ECPAS: variants seen among roughly 807,000 people sequenced by gnomAD.
ECPAS encodes Ecm29 proteasome adaptor and scaffold, also known as proteasome adapter and scaffold protein ECM29.
A neutral mutation model predicts 255.1 loss-of-function variants in ECPAS; 70 were observed. The ratio of observed to expected loss-of-function variants is 0.27; its 90% CI spans 0.23 to 0.33. The LOEUF (loss-of-function observed/expected upper bound fraction) is 0.33, where lower values mean the gene tolerates loss of function less well. ECPAS is among the 10% of genes least tolerant of loss of function. The probability of loss-of-function intolerance (pLI) is 1.00; values close to 1 mark genes in which losing one functional copy is unlikely to be tolerated. For missense variants in ECPAS, 1,817 were observed against 2,206.4 expected (o/e 0.82, Z 3.54); for synonymous variants, 784 against 775.0 (o/e 1.01, Z -0.19).
chr9:111,460,022 T>G (rs1164229046), intron 2 of ECPAS, among the ~76,000 whole-genome samples: 1 of 152,152 alleles, frequency 6.6e-6, no homozygotes, highest in African/African-American at 2.4e-5. Flanking sequence ...CTCATGAATA[T>G]AGACGCAAAT....
chr9:111,445,155 C>G (rs1255456694), intron 3 of ECPAS, among the ~76,000 whole-genome samples: 2 of 151,782 alleles, frequency 1.3e-5, no homozygotes, highest in Non-Finnish European at 2.9e-5. Context: ...GCCATCACGC[C>G]TGGCTAATTT....
intron 1 of ECPAS, among the ~76,000 whole-genome samples, chr9:111,479,973 T>TC (rs2098302002): frequency 8.0e-6 from 1 of 125,466 alleles, no homozygotes; most frequent in African/African-American, 3.1e-5. Flanking sequence ...AGACTGAAAC[T>TC]CCGTCTCAAA....
intron 1 of ECPAS, among the ~76,000 whole-genome samples, chr9:111,473,563 C>T (rs1263834456): frequency 6.6e-6 from 1 of 152,158 alleles, no homozygotes; most frequent in African/African-American, 2.4e-5. Context: ...TATGCCCATT[C>T]CCACAGCTCT....
At chr9:111,423,282 A>C in intron 12 of ECPAS, 34 bp from the exon 13 acceptor site, 2 of 1,468,742 alleles carry the variant, frequency 1.4e-6, no homozygotes, top group African/African-American at 1.4e-5. Context: ...AAGAAAAGAA[A>C]GAACAAAAAA....
At position 111,453,254 on chromosome 9, in the gene ECPAS, A is replaced by T. The variant is rs141951063; in HGVS notation, c.23-1699T>A. On this transcript the variant is annotated intron_variant, in intron 2 of 49. Transcript: ENST00000684092. The stretch of plus-strand genomic sequence containing the variant: ...ACAGTAAGACCCTGTCTCAAAAATA[A>T]AGAAATGGAACATGGAACAAGTCAA... Among the ~76,000 whole-genome samples the T allele has an allele frequency of 2.6e-4, 40 of 152,264 alleles. 1 individual carries two copies. Among genetic ancestry groups the T allele is most frequent in the Admixed American group, 9.8e-4 (15 of 15,292 alleles).
At chr9:111,425,383 A>C in intron 12 of ECPAS, 35 bp downstream of exon 12, 1 of 1,332,966 alleles carries the variant, frequency 7.5e-7, no homozygotes, top group African/African-American at 1.5e-5. Flanking sequence ...TTAAGATATA[A>C]AATGTTGATA....
chr9:111,392,624 G>A, intron 28 of ECPAS, 144 bp downstream of exon 28: 1 of 602,846 alleles, frequency 1.7e-6, no homozygotes, highest in East Asian at 2.8e-5. Flanking sequence ...GCTATCCACA[G>A]CACAACAATT....
chr9:111,416,137 C>T (rs2098203145), intron 18 of ECPAS, 135 bp downstream of exon 18: 1 of 576,746 alleles, frequency 1.7e-6, no homozygotes, highest in Non-Finnish European at 3.1e-6. Flanking sequence ...TTTAAATAAA[C>T]AACCCGATGA....
At position 111,383,272 on chromosome 9, in the gene ECPAS, G is replaced by A; in HGVS notation, c.3742C>T (p.Leu1248Phe). ...GAAGQRTIAA[L>F]LPCLLDKGMM... ...CCTTTGTCCAGAAGGCAAGGCAGAA[G>A]GGCAGCGATGGTTCTCTGGCCAGCT... Residue 1248 changes from leucine to phenylalanine, a missense_variant, in exon 35 of 50, where the codon CTT (leucine) becomes TTT (phenylalanine). Around this residue, in one of 4 missense-constraint regions of ECPAS, gnomAD observed 960 missense variants for 1,179.0 expected, o/e 0.81. Transcript: ENST00000684092. The A allele has an allele frequency of 6.2e-7, 1 of 1,613,526 alleles. No homozygotes were observed. The highest frequency in any genetic ancestry group is 8.5e-7 in the Non-Finnish European group (1 of 1,179,722).
At chr9:111,401,819 T>C (rs576077524) in intron 24 of ECPAS, among the ~76,000 whole-genome samples, 4 of 152,292 alleles carry the variant, frequency 2.6e-5, no homozygotes, top group African/African-American at 9.6e-5. Flanking sequence ...AGAAGAAAAA[T>C]ATGGCTCTAT....
intron 23 of ECPAS, among the ~76,000 whole-genome samples, 194 bp downstream of exon 23, chr9:111,409,847 T>G (rs1230540288): frequency 6.6e-6 from 1 of 152,192 alleles, no homozygotes; most frequent in East Asian, 1.9e-4. Flanking sequence ...CCAAAAGATG[T>G]GCACACTAAG....
Position 111,369,100 on chromosome 9 carries a change from A to G in ECPAS, c.5048T>C (p.Leu1683Pro). The G allele has an allele frequency of 6.2e-7, 1 of 1,607,210 alleles. No individual in the cohort carries two copies. Among genetic ancestry groups the G allele is most frequent in the Non-Finnish European group, 8.5e-7 (1 of 1,177,442 alleles). ...EENEKEKELQ[L>P]EYLLGAFESL... ...TTCAAAGGCACCCAGCAGATATTCC[A>G]GCTGGAGCTCCTTTTCCTTTTCATT... The change falls in exon 46 of 50, where the codon CTG becomes CCG. Residue 1683 changes from leucine to proline, a missense_variant. Coordinates refer to ENST00000684092, the MANE Select transcript of ECPAS (RefSeq NM_001364929.1).
chr9:111,459,048 A>G (rs1367146959), intron 2 of ECPAS, among the ~76,000 whole-genome samples: 2 of 152,182 alleles, frequency 1.3e-5, no homozygotes, highest in Admixed American at 1.3e-4. Context: ...AGGAACTTGT[A>G]GGTGGCATAT....
chr9:111,413,861 A>G (rs2098198851), intron 20 of ECPAS, 34 bp downstream of exon 20: 1 of 1,329,824 alleles, frequency 7.5e-7, no homozygotes, highest in Non-Finnish European at 1.0e-6. Flanking sequence ...CTGAAATAGA[A>G]TTTTTTTTAA....
chr9:111,423,156 G>C lies in ECPAS; in HGVS notation c.1265+43C>G, dbSNP rs535389951. 18 of 1,385,962 alleles carry C rather than the reference G, an allele frequency of 1.3e-5. No individual in the cohort carries two copies. In the African/African-American group the frequency reaches 2.5e-4, roughly 19 times the overall value. The allele number at this position is 1,385,962 out of a possible 1,614,324, so 85.9% of individuals were successfully genotyped here. ...ATTAAATGCCACATAATTTTTCTCTGTTTACCAACACCATATCTCTCACTA... is the reference window on the plus strand; with the variant it reads ...ATTAAATGCCACATAATTTTTCTCTCTTTACCAACACCATATCTCTCACTA... On this transcript the variant is annotated intron_variant, in intron 13 of 49. Transcript: ENST00000684092.
chr9:111,385,336 C>A lies in ECPAS; in HGVS notation c.3633+1G>T. ...TAAATGCTGATTTATTTCTATAATA[C>A]CTTGATATCATCTTGTACTCTAAAA... On this transcript the variant is annotated splice_donor_variant, in intron 33 of 49. Coordinates refer to ENST00000684092, the MANE Select transcript of ECPAS (RefSeq NM_001364929.1). LOFTEE classifies it high-confidence loss of function. 1 of 1,366,612 alleles carries A rather than the reference C, an allele frequency of 7.3e-7. No individual in the cohort carries two copies. Among genetic ancestry groups the A allele is most frequent in the South Asian group, 1.3e-5 (1 of 77,714 alleles). The allele number at this position is 1,366,612 out of a possible 1,614,324, so 84.7% of individuals were successfully genotyped here.
chr9:111,466,193 A>G (rs1456560477), intron 2 of ECPAS, among the ~76,000 whole-genome samples: 1 of 152,186 alleles, frequency 6.6e-6, no homozygotes. Flanking sequence ...TCACACCTGT[A>G]ATCCCAGCAT....
chr9:111,384,007 G>A (rs949961735), intron 34 of ECPAS, among the ~76,000 whole-genome samples: 2 of 151,494 alleles, frequency 1.3e-5, no homozygotes, highest in African/African-American at 4.8e-5. Context: ...ATAACGCTGG[G>A]TCACAGCACA....
At chr9:111,390,234 T>C (rs1370810087) in intron 29 of ECPAS, 133 bp from the exon 30 acceptor site, 10 of 541,808 alleles carry the variant, frequency 1.8e-5, no homozygotes, top group Admixed American at 2.9e-5. Flanking sequence ...GTTATCACCA[T>C]GGAGACAGAA....
Sources: gnomAD v4.1 joint callset for allele counts (sites outside exome capture counted in the v4.1 genomes callset) on GRCh38, gnomAD v4.1.1 for gene constraint, gnomAD v4.1.1 regional missense constraint, MANE v1.5 for transcripts, NCBI Gene and HGNC (gene_info 2026-07-23, HGNC 2026-07-21) for gene names.